PXYLP1: variants seen among roughly 807,000 people sequenced by gnomAD.
PXYLP1 encodes the protein 2-phosphoxylose phosphatase 1.
PXYLP1 carries 17 observed loss-of-function variants against 37.9 expected under a neutral mutation model. The ratio of observed to expected loss-of-function variants is 0.45; its 90% confidence interval spans 0.31 to 0.67. The LOEUF is 0.67. Ranked by LOEUF, PXYLP1 falls within the 30% of genes least tolerant of loss-of-function variation. PXYLP1 has a pLI of 0.07. For missense variants in PXYLP1, 511 were observed against 612.0 expected, an observed-to-expected ratio of 0.84 and a Z score of 1.74; for synonymous variants, 221 against 232.2, an observed-to-expected ratio of 0.95 and a Z score of 0.44.
At position 141,249,151 on chromosome 3, in the gene PXYLP1, C is replaced by T. The variant is rs116749739; in HGVS notation, c.-53-10972C>T. Among the ~76,000 whole-genome samples, 1,005 of 152,040 alleles carry T rather than the reference C, an allele frequency of 6.6e-3. 12 individuals are homozygous for T. The highest frequency in any genetic ancestry group is 0.022 in the African/African-American group (927 of 41,338). On this transcript the variant is annotated intron_variant, in intron 1 of 5. Transcript: ENST00000286353. Reference sequence around the variant, plus strand: ...CTTCTAAGGATGTAAAGTTCATGCCCACTGGCACTGGCAGTGATAACAAGC... The same window carrying T: ...CTTCTAAGGATGTAAAGTTCATGCCTACTGGCACTGGCAGTGATAACAAGC...
chr3:141,246,134 T>C (rs183227165), intron 1 of PXYLP1, among the ~76,000 whole-genome samples: 8 of 151,784 alleles, frequency 5.3e-5, no homozygotes, highest in Non-Finnish European at 1.0e-4. Flanking sequence ...TGGTGGGGGG[T>C]AGGCTAGCAG....
chr3:141,265,065 G>A (rs770660767), intron 2 of PXYLP1, among the ~76,000 whole-genome samples: 1 of 152,206 alleles, frequency 6.6e-6, no homozygotes, highest in Non-Finnish European at 1.5e-5. Context: ...TGGTCAAGGA[G>A]GCAGCTGAGT....
intron 2 of PXYLP1, among the ~76,000 whole-genome samples, chr3:141,261,505 A>T (rs1486296761): frequency 6.6e-6 from 1 of 152,232 alleles, no homozygotes; most frequent in African/African-American, 2.4e-5. Flanking sequence ...TGGAGCAATT[A>T]AACTCCATTT....
In PXYLP1 at chr3:141,293,731, CTG is replaced by C. The variant is rs1355995883; in HGVS notation, c.*528_*529del. ...CAGTCTCTGTCATAACTACTCAACT[CTG>C]TTTCTGAAGCAGGAAAGCCACCACA... On this transcript the variant is annotated 3_prime_UTR_variant, in exon 6 of 6. Transcript: ENST00000286353. The C allele has an allele frequency of 6.4e-6, 1 of 155,680 alleles. No homozygotes were observed. The highest frequency in any genetic ancestry group is 1.4e-5 in the Non-Finnish European group (1 of 70,022). The allele number at this position is 155,680 out of a possible 1,614,324, so 9.6% of individuals were successfully genotyped here. A position where few individuals can be genotyped will look rare whatever the true frequency, so the allele number is the denominator to read the frequency against.
chr3:141,262,653 T>A (rs1941420002), intron 2 of PXYLP1: 1 of 1,527,946 alleles, frequency 6.5e-7, no homozygotes. Context: ...GGGTCTGAGC[T>A]CTTTATTCTT....
In PXYLP1 at chr3:141,292,536, G is replaced by C. The variant is rs567766401; in HGVS notation, c.774G>C (p.Gln258His). 1 of 1,614,222 alleles carries C rather than the reference G, an allele frequency of 6.2e-7. No individual in the cohort carries two copies. Among genetic ancestry groups the C allele is most frequent in the Admixed American group, 1.7e-5 (1 of 60,022 alleles). Residue 258 changes from glutamine (Q) to histidine (H), a missense_variant, in exon 6 of 6, where the codon CAG (glutamine) becomes CAC (histidine). Physicochemically the swap from Gln to His is conservative, Grantham distance 24. Coordinates refer to ENST00000286353, the MANE Select transcript of PXYLP1 (RefSeq NM_001037172.3). This position sits in a 1 kb window ranked among gnomAD's most constrained non-coding sequence, Gnocchi z 4.3. ...PVRNQYLEKE[Q>H]RRQYLLRLKN... ...GAAACCAGTATCTGGAAAAGGAGCAGCGTCGTCAGTACCTCCTACGTTTGA... is the reference window on the plus strand; with the variant it reads ...GAAACCAGTATCTGGAAAAGGAGCACCGTCGTCAGTACCTCCTACGTTTGA...
chr3:141,285,394 G>A (rs552334366), intron 4 of PXYLP1, among the ~76,000 whole-genome samples: 5 of 151,420 alleles, frequency 3.3e-5, no homozygotes, highest in South Asian at 4.2e-4. Context: ...CTCCCACCTC[G>A]GCCTCCCAAA....
Position 141,292,143 on chromosome 3 carries a change from G to T in PXYLP1, c.506-125G>T. On this transcript the variant is annotated intron_variant, in intron 5 of 5. Transcript: ENST00000286353. The surrounding 1 kb of genome is among the most constrained non-coding windows in gnomAD (Gnocchi z 4.3). The stretch of plus-strand genomic sequence containing the variant: ...CGAGCTTGTAACTTCCACACCATGG[G>T]GAAACAGGCTGGATGCCATTCTCTT... The T allele has an allele frequency of 1.1e-6, 1 of 893,160 alleles. No individual in the cohort carries two copies. The allele number at this position is 893,160 out of a possible 1,614,324, so 55.3% of individuals were successfully genotyped here.
intron 1 of PXYLP1, among the ~76,000 whole-genome samples, chr3:141,248,096 C>G (rs1279380157): frequency 6.8e-6 from 1 of 147,242 alleles, no homozygotes; most frequent in African/African-American, 2.5e-5. Context: ...AATTTTGGCT[C>G]ACTGCAACCT....
chr3:141,256,544 G>A (rs73232938), intron 1 of PXYLP1, among the ~76,000 whole-genome samples: 17,008 of 151,976 alleles, frequency 0.11, 1,263 homozygotes, highest in East Asian at 0.2. Flanking sequence ...ACACGTATGC[G>A]CGTGTGCGCA....
intron 2 of PXYLP1, among the ~76,000 whole-genome samples, chr3:141,260,647 G>A (rs1233413332): frequency 3.3e-5 from 5 of 152,186 alleles, no homozygotes; most frequent in Non-Finnish European, 2.9e-5. Context: ...GTTTCGGGGA[G>A]GGTGGGGAGA....
intron 2 of PXYLP1, among the ~76,000 whole-genome samples, chr3:141,265,788 G>C (rs911430314): frequency 2.0e-5 from 3 of 152,210 alleles, no homozygotes; most frequent in Non-Finnish European, 4.4e-5. Context: ...ATAGGTGGAA[G>C]TAAATTCTCA....
intron 1 of PXYLP1, among the ~76,000 whole-genome samples, chr3:141,253,302 G>C (rs1162489210): frequency 4.6e-5 from 7 of 152,052 alleles, no homozygotes; most frequent in African/African-American, 1.7e-4. Context: ...CCCAGACATG[G>C]CAGGGGCACC....
intron 2 of PXYLP1, among the ~76,000 whole-genome samples, chr3:141,266,538 C>T (rs1460660212): frequency 6.6e-6 from 1 of 151,936 alleles, no homozygotes; most frequent in Non-Finnish European, 1.5e-5. Context: ...GGACTGTGGA[C>T]AGGAGTGGTC....
chr3:141,279,846 C>G (rs1166369677), intron 4 of PXYLP1, among the ~76,000 whole-genome samples: 1 of 152,218 alleles, frequency 6.6e-6, no homozygotes, highest in Non-Finnish European at 1.5e-5. Flanking sequence ...GAGCAGCGGG[C>G]AAGCCCCTTA....
chr3:141,278,027 G>C (rs957053045), intron 2 of PXYLP1, among the ~76,000 whole-genome samples: 7 of 152,236 alleles, frequency 4.6e-5, no homozygotes, highest in Admixed American at 2.0e-4. Context: ...GCATTAGGAA[G>C]AGGTAATCAG....
intron 2 of PXYLP1, chr3:141,274,535 T>A (rs1029409755): frequency 2.7e-5 from 38 of 1,408,458 alleles, no homozygotes; most frequent in Non-Finnish European, 3.6e-5. Context: ...CACCCCAGAC[T>A]GGTTCGGCAA....
intron 1 of PXYLP1, among the ~76,000 whole-genome samples, chr3:141,241,579 A>G (rs6439989): frequency 0.19 from 29,598 of 152,144 alleles, 3,480 homozygotes; most frequent in African/African-American, 0.33. Context: ...TCAAGAAGAC[A>G]TCTGGGCCAA....
At chr3:141,273,987 A>G in intron 2 of PXYLP1, 1 of 985,756 alleles carries the variant, frequency 1.0e-6, no homozygotes. Context: ...TCTGCCCACT[A>G]TTCTTTCTGA....
Sources: allele counts gnomAD v4.1 joint callset (sites outside exome capture counted in the v4.1 genomes callset), GRCh38; gene constraint gnomAD v4.1.1; non-coding constraint Gnocchi (gnomAD v3.1); transcripts MANE v1.5; gene names NCBI Gene and HGNC (gene_info 2026-07-23, HGNC 2026-07-21).